RPSA2: variants seen among roughly 807,000 people sequenced by gnomAD.
RPSA2 encodes the protein small ribosomal subunit protein uS2B.
the RPSA2 span, among the ~76,000 whole-genome samples, chr19:23,849,600 G>A: frequency 6.6e-6 from 1 of 152,112 alleles, no homozygotes; most frequent in Non-Finnish European, 1.5e-5. Context: ...GGTGGGTAAT[G>A]CCCTTATCTT....
the RPSA2 span, among the ~76,000 whole-genome samples, chr19:23,763,557 C>G: frequency 6.6e-6 from 1 of 152,218 alleles, no homozygotes; most frequent in Non-Finnish European, 1.5e-5. Flanking sequence ...CAACCTCCGC[C>G]TCTCAGGCTC....
the RPSA2 span, among the ~76,000 whole-genome samples, chr19:23,841,910 A>G: frequency 6.6e-6 from 1 of 152,160 alleles, no homozygotes; most frequent in Non-Finnish European, 1.5e-5. Flanking sequence ...CTGCACATCC[A>G]TTTATCTTAC....
the RPSA2 span, among the ~76,000 whole-genome samples, chr19:23,828,810 T>C: frequency 2.6e-5 from 4 of 151,980 alleles, no homozygotes; most frequent in African/African-American, 9.7e-5. Flanking sequence ...TTATTAACAT[T>C]CTTTCTTGTT....
At chr19:23,865,852 G>C in the RPSA2 span, among the ~76,000 whole-genome samples, 1 of 152,174 alleles carries the variant, frequency 6.6e-6, no homozygotes, top group African/African-American at 2.4e-5. Context: ...TTAAAAACTG[G>C]TGTGGTTAAT....
At chr19:23,831,403 A>T in the RPSA2 span, among the ~76,000 whole-genome samples, 3 of 152,072 alleles carry the variant, frequency 2.0e-5, no homozygotes, top group Admixed American at 6.5e-5. Flanking sequence ...TTATTTATAA[A>T]TTTTTTACAG....
chr19:23,848,820 G>C, the RPSA2 span, among the ~76,000 whole-genome samples: 4 of 152,316 alleles, frequency 2.6e-5, no homozygotes, highest in South Asian at 8.3e-4. Context: ...GGGTGGAATT[G>C]GCTTGCCAAT....
chr19:23,867,975 T>C, the RPSA2 span, among the ~76,000 whole-genome samples: 1 of 152,152 alleles, frequency 6.6e-6, no homozygotes, highest in African/African-American at 2.4e-5. Flanking sequence ...CAGGAGAAGC[T>C]AGCTCAACTT....
At chr19:23,834,489 C>T in the RPSA2 span, among the ~76,000 whole-genome samples, 7 of 151,762 alleles carry the variant, frequency 4.6e-5, no homozygotes, top group African/African-American at 1.5e-4. Flanking sequence ...TAGAGAGGCT[C>T]TTTGTGGTTA....
chr19:23,857,870 A>C, the RPSA2 span, among the ~76,000 whole-genome samples: 173 of 152,134 alleles, frequency 1.1e-3, no homozygotes, highest in African/African-American at 3.8e-3. Context: ...AATTTCTTTA[A>C]AAGTGGAATA....
At chr19:23,759,478 C>T in the RPSA2 span, among the ~76,000 whole-genome samples, 9 of 150,258 alleles carry the variant, frequency 6.0e-5, no homozygotes, top group South Asian at 1.0e-3. Flanking sequence ...GCCCTAGACA[C>T]TGAGCCTCGG....
the RPSA2 span, among the ~76,000 whole-genome samples, chr19:23,824,941 G>T: frequency 6.6e-6 from 1 of 150,806 alleles, no homozygotes; most frequent in Non-Finnish European, 1.5e-5. Flanking sequence ...TCTAGTTGAT[G>T]GTTATCTAAT....
At chr19:23,870,329 T>C in the RPSA2 span, among the ~76,000 whole-genome samples, 3 of 152,154 alleles carry the variant, frequency 2.0e-5, no homozygotes, top group Non-Finnish European at 4.4e-5. Flanking sequence ...ACTGAAGTGG[T>C]AATATTAAAA....
the RPSA2 span, among the ~76,000 whole-genome samples, chr19:23,795,181 T>C: frequency 1.3e-5 from 1 of 74,728 alleles, no homozygotes; most frequent in Admixed American, 2.1e-4. Flanking sequence ...TATATGAATT[T>C]TACAATAGTT....
the RPSA2 span, among the ~76,000 whole-genome samples, chr19:23,823,213 T>C: frequency 6.6e-6 from 1 of 152,192 alleles, no homozygotes; most frequent in African/African-American, 2.4e-5. Context: ...TTCCTTAACA[T>C]ACATGCTAAT....
chr19:23,808,204 A>G, the RPSA2 span, among the ~76,000 whole-genome samples: 1 of 152,150 alleles, frequency 6.6e-6, no homozygotes, highest in African/African-American at 2.4e-5. Context: ...ACACCTTAAA[A>G]TCTAATTATC....
chr19:23,827,074 A>C, the RPSA2 span: 1 of 730,922 alleles, frequency 1.4e-6, no homozygotes, highest in Non-Finnish European at 2.4e-6. Flanking sequence ...TTACAGTAAC[A>C]ATGCTGCAGC....
chr19:23,818,086 T>C, the RPSA2 span: 1 of 152,344 alleles, frequency 6.6e-6, no homozygotes, highest in East Asian at 1.9e-4. Context: ...TTTGACGCTT[T>C]TTATAAATGA....
At chr19:23,866,812 A>C in the RPSA2 span, among the ~76,000 whole-genome samples, 6 of 152,310 alleles carry the variant, frequency 3.9e-5, no homozygotes, top group East Asian at 1.2e-3. Context: ...TGGAGAAGAC[A>C]AACCTTCCAA....
the RPSA2 span, among the ~76,000 whole-genome samples, chr19:23,854,877 C>G: frequency 1.3e-5 from 2 of 152,136 alleles, no homozygotes; most frequent in Admixed American, 6.5e-5. Context: ...ACCTTGTGAT[C>G]AGGTAAATTT....
Sources: gnomAD v4.1 joint callset for allele counts (sites outside exome capture counted in the v4.1 genomes callset) on GRCh38, gnomAD v4.1.1 for gene constraint, MANE v1.5 for transcripts, NCBI Gene and HGNC (gene_info 2026-07-23, HGNC 2026-07-21) for gene names.